Variants in APBA2 observed in about 807,000 individuals in gnomAD.
APBA2 encodes the protein amyloid beta precursor protein binding family A member 2.
APBA2 carries 30 observed loss-of-function variants against 75.0 expected under a neutral mutation model. That is an observed-to-expected ratio of 0.40 (90% confidence interval 0.30 to 0.54). The LOEUF (loss-of-function observed/expected upper bound fraction) is 0.54, where lower values mean the gene tolerates loss of function less well. APBA2 is among the 20% of genes least tolerant of loss of function. APBA2 has a pLI of 0.49. For synonymous variants in APBA2, 444 were observed against 409.6 expected, an observed-to-expected ratio of 1.08 and a Z score of -1.01; for missense variants, 801 against 1,016.1, an observed-to-expected ratio of 0.79 and a Z score of 2.88.
At chr15:29,063,207 G>A (rs2042217602) in intron 4 of APBA2, among the ~76,000 whole-genome samples, 1 of 122,548 alleles carries the variant, frequency 8.2e-6, no homozygotes, top group Non-Finnish European at 1.8e-5. Flanking sequence ...GGGTGGGGAG[G>A]GGAGTTGATC....
At chr15:29,097,067 C>G (rs1330798009) in intron 8 of APBA2, among the ~76,000 whole-genome samples, 1 of 152,268 alleles carries the variant, frequency 6.6e-6, no homozygotes. Context: ...CTTGGCTTCT[C>G]TCTGTCGCTG....
intron 1 of APBA2, among the ~76,000 whole-genome samples, chr15:28,904,835 A>G (rs1214751073): frequency 6.6e-6 from 1 of 152,142 alleles, no homozygotes; most frequent in Non-Finnish European, 1.5e-5. Context: ...AGAATTTTAG[A>G]GACTTCCCAT....
chr15:29,045,486 G>A (rs1287138207), intron 3 of APBA2, among the ~76,000 whole-genome samples: 1 of 152,036 alleles, frequency 6.6e-6, no homozygotes, highest in African/African-American at 2.4e-5. Flanking sequence ...CCATCACACT[G>A]GGGGTCAGGA....
intron 3 of APBA2, among the ~76,000 whole-genome samples, chr15:29,009,289 C>T (rs1196993030): frequency 2.0e-5 from 3 of 152,152 alleles, no homozygotes; most frequent in African/African-American, 7.2e-5. Flanking sequence ...CCTCAGAACG[C>T]GCACCTGGAG....
chr15:29,003,455 A>G (rs919511681), intron 3 of APBA2, among the ~76,000 whole-genome samples: 1 of 152,220 alleles, frequency 6.6e-6, no homozygotes, highest in African/African-American at 2.4e-5. Flanking sequence ...TTGAGGAAAG[A>G]GGCTCAGAGT....
intron 4 of APBA2, among the ~76,000 whole-genome samples, chr15:29,070,167 G>T (rs1359440120): frequency 6.6e-6 from 1 of 152,124 alleles, no homozygotes; most frequent in African/African-American, 2.4e-5. Context: ...AGTGGTGAGG[G>T]TTGTACAACA....
chr15:29,051,959 CT>C (rs1264859696), intron 3 of APBA2, among the ~76,000 whole-genome samples: 3 of 151,980 alleles, frequency 2.0e-5, no homozygotes, highest in Non-Finnish European at 2.9e-5. Context: ...TTAAGCTCTC[CT>C]TTTTTTTCTT....
At chr15:29,014,939 T>G (rs780944587) in intron 3 of APBA2, among the ~76,000 whole-genome samples, 20 of 152,262 alleles carry the variant, frequency 1.3e-4, no homozygotes, top group Middle Eastern at 3.4e-3. Context: ...CTCCATTTCC[T>G]TCAAAATCAC....
At chr15:29,050,707 A>G (rs1459324524) in intron 3 of APBA2, among the ~76,000 whole-genome samples, 2 of 152,114 alleles carry the variant, frequency 1.3e-5, no homozygotes, top group African/African-American at 4.8e-5. Flanking sequence ...TGGCCTAGAG[A>G]ATATTTTATT....
intron 3 of APBA2, among the ~76,000 whole-genome samples, chr15:29,045,245 ATTTT>A (rs35591033): frequency 7.4e-6 from 1 of 134,358 alleles, no homozygotes; most frequent in Non-Finnish European, 1.6e-5. Context: ...TGCCTGGCTA[ATTTT>A]TTTTTTTTTT....
chr15:28,889,167 C>G (rs1488112202), intron 1 of APBA2, among the ~76,000 whole-genome samples: 1 of 152,188 alleles, frequency 6.6e-6, no homozygotes, highest in South Asian at 2.1e-4. Context: ...GAGCAGCCTG[C>G]TGGCACAGGC....
At chr15:29,108,547 T>G in intron 13 of APBA2, 158 bp downstream of exon 13, 1 of 1,148,714 alleles carries the variant, frequency 8.7e-7, no homozygotes, top group Non-Finnish European at 1.2e-6. Context: ...GCAGGAACTT[T>G]CCATGGCTCT....
Position 28,918,921 on chromosome 15 carries a change from G to T in APBA2, c.-204-2719G>T, listed in dbSNP as rs1477870844. On this transcript the variant is annotated intron_variant, in intron 1 of 14. Transcript: ENST00000683413. This position sits in a 1 kb window ranked among gnomAD's most constrained non-coding sequence, Gnocchi z 4.2. Reference sequence around the variant, plus strand: ...GTCTCCCAGGCTGGAGTGCAGTGGCGCTATCTTGGCTCACTGCAAGCTCCG... The same window carrying T: ...GTCTCCCAGGCTGGAGTGCAGTGGCTCTATCTTGGCTCACTGCAAGCTCCG... 6.6e-6 allele frequency among the ~76,000 whole-genome samples: 1 copy of T among 151,666 alleles called. No individual in the cohort carries two copies. Among genetic ancestry groups the T allele is most frequent in the East Asian group, 1.9e-4 (1 of 5,134 alleles).
rs147681500 is a variant in APBA2, at chr15:28,963,430, C to T, written c.-94-32323C>T. Among the ~76,000 whole-genome samples, 2 of 152,188 alleles carry T rather than the reference C, an allele frequency of 1.3e-5. 1 individual carries two copies. Among genetic ancestry groups the T allele is most frequent in the South Asian group, 4.1e-4 (2 of 4,828 alleles). On this transcript the variant is annotated intron_variant, in intron 2 of 14. Coordinates refer to ENST00000683413, the MANE Select transcript of APBA2 (RefSeq NM_001353788.2). ...CCTGAAAGATGTCCTTTCATCCTCC[C>T]CACCCACCTGAAAGATGAGAAGTGG... is the stretch of plus-strand genomic sequence containing the variant.
At chr15:28,925,200 A>G (rs2034193717) in intron 2 of APBA2, among the ~76,000 whole-genome samples, 1 of 152,126 alleles carries the variant, frequency 6.6e-6, no homozygotes, top group Non-Finnish European at 1.5e-5. Context: ...TCTAATGTTG[A>G]ACCAACATTG....
chr15:29,072,856 G>T (rs1049982300), intron 4 of APBA2, among the ~76,000 whole-genome samples: 4 of 152,104 alleles, frequency 2.6e-5, no homozygotes, highest in African/African-American at 4.8e-5. Context: ...CAGAACTGCT[G>T]GGTCCCAGCT....
At chr15:29,008,996 T>G (rs1379398888) in intron 3 of APBA2, among the ~76,000 whole-genome samples, 1 of 152,182 alleles carries the variant, frequency 6.6e-6, no homozygotes, top group Admixed American at 6.5e-5. Context: ...GGCAGGCTCT[T>G]CCTCCCAGAT....
At position 29,093,213 on chromosome 15, in the gene APBA2, G is replaced by A. The variant is rs773684496; in HGVS notation, c.1208G>A (p.Arg403Gln). The change falls in exon 7 of 15, where the codon CGG becomes CAG. Residue 403 changes from arginine to glutamine, a missense_variant. Transcript: ENST00000683413. The stretch of plus-strand genomic sequence containing the variant: ...ATGCAAGCGCAGGAGGCCGTCAGCC[G>A]GGTCAAGGTAGAGGTGCTTCGAGGG... ...RMMQAQEAVSRVKRMQKAAKI... is the reference protein window; with the variant it reads ...RMMQAQEAVSQVKRMQKAAKI... 46 of 1,614,080 alleles carry A rather than the reference G, an allele frequency of 2.8e-5. No homozygotes were observed. Among genetic ancestry groups the A allele is most frequent in the Non-Finnish European group, 3.7e-5 (44 of 1,180,044 alleles).
chr15:29,061,509 G>C (rs2042128034), intron 4 of APBA2, among the ~76,000 whole-genome samples: 1 of 152,220 alleles, frequency 6.6e-6, no homozygotes. Flanking sequence ...TCTAGAAAGA[G>C]CCTTCTGCCA....
Sources: allele counts gnomAD v4.1 joint callset (sites outside exome capture counted in the v4.1 genomes callset), GRCh38; gene constraint gnomAD v4.1.1; non-coding constraint Gnocchi (gnomAD v3.1); transcripts MANE v1.5; gene names NCBI Gene and HGNC (gene_info 2026-07-23, HGNC 2026-07-21).